The following UNC5C variants were observed in gnomAD, a reference collection of about 807,000 sequenced individuals.
The protein encoded by UNC5C is netrin receptor UNC5C.
In UNC5C, 47 loss-of-function variants were observed where a neutral mutation model predicts 99.8. The observed-to-expected ratio is 0.47, with a 90% CI of 0.37 to 0.60. The LOEUF (loss-of-function observed/expected upper bound fraction) is 0.60. UNC5C is among the 20% of genes least tolerant of loss of function. The pLI, the probability that UNC5C is intolerant of heterozygous loss-of-function variation, is 0.00. For synonymous variants in UNC5C, 487 were observed against 452.2 expected, an observed-to-expected ratio of 1.08 and a Z score of -0.98; for missense variants, 1,062 against 1,165.9, an observed-to-expected ratio of 0.91 and a Z score of 1.30.
intron 1 of UNC5C, among the ~76,000 whole-genome samples, chr4:95,532,000 T>C (rs985830527): frequency 1.3e-5 from 2 of 152,228 alleles, no homozygotes; most frequent in African/African-American, 4.8e-5. Context: ...CAGTGCTGTT[T>C]GACTTGTACA....
At chr4:95,354,853 A>C (rs562826227) in intron 1 of UNC5C, among the ~76,000 whole-genome samples, 5 of 151,950 alleles carry the variant, frequency 3.3e-5, no homozygotes, top group African/African-American at 9.7e-5. Flanking sequence ...ACCATTTTCT[A>C]TCTCTCTCCC....
intron 1 of UNC5C, among the ~76,000 whole-genome samples, chr4:95,479,818 A>C (rs2149477315): frequency 6.6e-6 from 1 of 152,082 alleles, no homozygotes; most frequent in African/African-American, 2.4e-5. Flanking sequence ...TATTACTGAC[A>C]TATCTGTAAG....
chr4:95,396,767 C>T (rs1459331761), intron 1 of UNC5C, among the ~76,000 whole-genome samples: 1 of 152,170 alleles, frequency 6.6e-6, no homozygotes, highest in Admixed American at 6.5e-5. Context: ...ACTGAATCTA[C>T]TTTTCATTTT....
intron 1 of UNC5C, among the ~76,000 whole-genome samples, chr4:95,353,103 T>C (rs1027674931): frequency 4.8e-4 from 73 of 152,210 alleles, no homozygotes; most frequent in African/African-American, 1.7e-3. Flanking sequence ...AATGCCTTAT[T>C]CCTTAATGAC....
intron 12 of UNC5C, among the ~76,000 whole-genome samples, chr4:95,197,706 G>A (rs1737487017): frequency 1.3e-5 from 2 of 152,190 alleles, no homozygotes; most frequent in African/African-American, 2.4e-5. Flanking sequence ...AAAGGATTAC[G>A]GAGAAGCAGG....
chr4:95,341,353 A>G (rs1165975597), intron 1 of UNC5C, among the ~76,000 whole-genome samples: 1 of 152,126 alleles, frequency 6.6e-6, no homozygotes, highest in Non-Finnish European at 1.5e-5. Context: ...TGGCTGGCCA[A>G]TAGAAATAAG....
At chr4:95,285,759 T>C (rs1355344058) in intron 3 of UNC5C, among the ~76,000 whole-genome samples, 1 of 152,208 alleles carries the variant, frequency 6.6e-6, no homozygotes. Context: ...AAGATATACA[T>C]AGTCTTATAG....
intron 1 of UNC5C, among the ~76,000 whole-genome samples, chr4:95,336,030 A>C (rs772146303): frequency 1.3e-5 from 2 of 151,952 alleles, no homozygotes; most frequent in Non-Finnish European, 2.9e-5. Flanking sequence ...TTTGAAAATC[A>C]TAAGGCTCAT....
intron 12 of UNC5C, among the ~76,000 whole-genome samples, chr4:95,186,745 A>G (rs1487402160): frequency 6.6e-6 from 1 of 152,180 alleles, no homozygotes; most frequent in Non-Finnish European, 1.5e-5. Flanking sequence ...CAGCTGCCTG[A>G]GAGTATTGAC....
chr4:95,269,434 G>A lies in UNC5C; in HGVS notation c.594+8825C>T, dbSNP rs115669762. Among the ~76,000 whole-genome samples, 917 of 152,072 alleles carry A rather than the reference G, an allele frequency of 6.0e-3. 11 individuals carry two copies. Among genetic ancestry groups the A allele is most frequent in the African/African-American group, 0.021 (885 of 41,480 alleles). On this transcript the variant is annotated intron_variant, in intron 4 of 15. Transcript: ENST00000453304. ...CTCAGTTCCTGGAGTAGCACACACC[G>A]CCATGCCTGGCTAATTTTTATTTTT...
chr4:95,332,928 C>A (rs1743178123), intron 2 of UNC5C, among the ~76,000 whole-genome samples: 2 of 152,142 alleles, frequency 1.3e-5, no homozygotes, highest in Admixed American at 1.3e-4. Flanking sequence ...ACAGACACCT[C>A]TCAAAAGAAG....
intron 1 of UNC5C, among the ~76,000 whole-genome samples, chr4:95,441,467 G>A (rs1258271424): frequency 6.6e-6 from 1 of 152,210 alleles, no homozygotes; most frequent in East Asian, 1.9e-4. Context: ...TGCCCAGGTT[G>A]TTTTATTTTT....
chr4:95,211,092 C>T (rs948234703), intron 10 of UNC5C, among the ~76,000 whole-genome samples: 3 of 152,200 alleles, frequency 2.0e-5, no homozygotes, highest in African/African-American at 7.2e-5. Flanking sequence ...CTATTCTTGT[C>T]TGTTTCCTAG....
At chr4:95,304,132 A>G (rs893416630) in intron 2 of UNC5C, among the ~76,000 whole-genome samples, 1 of 152,198 alleles carries the variant, frequency 6.6e-6, no homozygotes, top group African/African-American at 2.4e-5. Flanking sequence ...ATGACTAGCT[A>G]AATGGTAATG....
chr4:95,427,405 A>G (rs1001649847), intron 1 of UNC5C, among the ~76,000 whole-genome samples: 1 of 152,186 alleles, frequency 6.6e-6, no homozygotes, highest in African/African-American at 2.4e-5. Flanking sequence ...ATGAAACTGC[A>G]TTGTATGCTA....
intron 4 of UNC5C, among the ~76,000 whole-genome samples, chr4:95,270,105 A>C (rs998011484): frequency 1.3e-5 from 2 of 152,110 alleles, no homozygotes; most frequent in African/African-American, 4.8e-5. Flanking sequence ...CCGGAGTTTG[A>C]AGTCCTACTA....
chr4:95,480,387 G>C (rs2149477503), intron 1 of UNC5C, among the ~76,000 whole-genome samples: 2 of 151,980 alleles, frequency 1.3e-5, no homozygotes, highest in East Asian at 3.9e-4. Context: ...GTTTAGGAAA[G>C]AGTTGTCTAA....
chr4:95,412,616 G>A (rs989868007), intron 1 of UNC5C, among the ~76,000 whole-genome samples: 4 of 152,180 alleles, frequency 2.6e-5, no homozygotes, highest in African/African-American at 9.7e-5. Context: ...ACAGTGTGAA[G>A]TCAATTGTCT....
At chr4:95,318,462 C>A (rs1156866351) in intron 2 of UNC5C, among the ~76,000 whole-genome samples, 1 of 152,206 alleles carries the variant, frequency 6.6e-6, no homozygotes, top group Non-Finnish European at 1.5e-5. Context: ...AATGCAGTGA[C>A]TAAGGGCACT....
Sources: allele counts gnomAD v4.1 joint callset (sites outside exome capture counted in the v4.1 genomes callset), GRCh38; gene constraint gnomAD v4.1.1; transcripts MANE v1.5; gene names NCBI Gene and HGNC (gene_info 2026-07-23, HGNC 2026-07-21).